Variants in GALNT13 observed in about 807,000 individuals in gnomAD.
GALNT13 encodes the protein UDP-GalNAc:polypeptide N-acetylgalactosaminyltransferase 13.
A neutral mutation model predicts 64.2 loss-of-function variants in GALNT13; 28 were observed. The ratio of observed to expected loss-of-function variants is 0.44; its 90% CI spans 0.32 to 0.60. The LOEUF (loss-of-function observed/expected upper bound fraction) is 0.60. GALNT13 is among the 20% of genes least tolerant of loss of function. The pLI is 0.05. For synonymous variants in GALNT13, 214 were observed against 224.6 expected, an observed-to-expected ratio of 0.95 and a Z score of 0.42; for missense variants, 577 against 669.8, an observed-to-expected ratio of 0.86 and a Z score of 1.53.
chr2:153,754,359 T>C, the GALNT13 span, among the ~76,000 whole-genome samples: 1 of 152,018 alleles, frequency 6.6e-6, no homozygotes, highest in Admixed American at 6.6e-5. Context: ...CCTGGGTATA[T>C]TGTTGGTTAT....
chr2:153,823,712 C>T, the GALNT13 span, among the ~76,000 whole-genome samples: 1 of 152,078 alleles, frequency 6.6e-6, no homozygotes, highest in South Asian at 2.1e-4. Flanking sequence ...GGATTTGCCA[C>T]AAATGTATGA....
chr2:153,299,332 A>G, the GALNT13 span, among the ~76,000 whole-genome samples: 1 of 152,208 alleles, frequency 6.6e-6, no homozygotes, highest in Non-Finnish European at 1.5e-5. Context: ...AGGAAACAAC[A>G]CACTCAAACT....
At chr2:154,381,288 G>C (rs578025609) in intron 9 of GALNT13, among the ~76,000 whole-genome samples, 1 of 152,092 alleles carries the variant, frequency 6.6e-6, no homozygotes, top group East Asian at 1.9e-4. Context: ...GGCACTTTCT[G>C]TAATGCTCAC....
the GALNT13 span, among the ~76,000 whole-genome samples, chr2:153,604,732 G>T: frequency 6.6e-6 from 1 of 151,904 alleles, no homozygotes; most frequent in Non-Finnish European, 1.5e-5. Context: ...AATTATTTTA[G>T]TCTCTACGTA....
At position 154,193,477 on chromosome 2, in the gene GALNT13, G is replaced by A. The variant is rs1367894853; in HGVS notation, c.312-48553G>A. 4.6e-5 allele frequency among the ~76,000 whole-genome samples: 7 copies of A among 152,140 alleles called. No individual in the cohort carries two copies. In the East Asian group the frequency reaches 1.4e-3, roughly 29 times the overall value. On this transcript the variant is annotated intron_variant, in intron 4 of 12. Transcript: ENST00000392825. The stretch of plus-strand genomic sequence containing the variant: ...GCAGTTTTGTTTCCTGAAGAACCGT[G>A]ACCATGACGAAACATCACTTGAATG...
chr2:153,807,485 T>A, the GALNT13 span, among the ~76,000 whole-genome samples: 1 of 151,778 alleles, frequency 6.6e-6, no homozygotes, highest in South Asian at 2.1e-4. Flanking sequence ...TATTAGATAT[T>A]GTATATGTAT....
chr2:153,079,890 G>T, the GALNT13 span, among the ~76,000 whole-genome samples: 1 of 152,174 alleles, frequency 6.6e-6, no homozygotes, highest in Non-Finnish European at 1.5e-5. Context: ...CTAAGAATTG[G>T]CTAACCCTCG....
chr2:153,924,559 C>A (rs1418181926), intron 2 of GALNT13, among the ~76,000 whole-genome samples: 1 of 152,052 alleles, frequency 6.6e-6, no homozygotes, highest in Non-Finnish European at 1.5e-5. Flanking sequence ...AGTTTATATT[C>A]CTTTGGGTAT....
chr2:154,309,409 A>G (rs976403622), intron 9 of GALNT13, among the ~76,000 whole-genome samples: 5 of 152,106 alleles, frequency 3.3e-5, no homozygotes, highest in African/African-American at 1.2e-4. Flanking sequence ...AGAATATATG[A>G]TGCTGGGTAA....
chr2:154,219,331 G>C (rs1186306053), intron 4 of GALNT13, among the ~76,000 whole-genome samples: 1 of 151,970 alleles, frequency 6.6e-6, no homozygotes, highest in African/African-American at 2.4e-5. Flanking sequence ...AGATGAATAA[G>C]TCACTTTACC....
intron 8 of GALNT13, among the ~76,000 whole-genome samples, chr2:154,278,050 A>G (rs768544558): frequency 1.3e-5 from 2 of 152,070 alleles, no homozygotes; most frequent in Non-Finnish European, 2.9e-5. Context: ...TGACCAAAAT[A>G]TTTTTTCTCT....
the GALNT13 span, among the ~76,000 whole-genome samples, chr2:153,585,306 C>T: frequency 1.2e-4 from 18 of 151,952 alleles, no homozygotes; most frequent in South Asian, 4.1e-4. Context: ...GCCTCAACAA[C>T]GGATTTGACC....
chr2:154,157,101 C>T (rs73005457), intron 4 of GALNT13, among the ~76,000 whole-genome samples: 1 of 152,076 alleles, frequency 6.6e-6, no homozygotes, highest in African/African-American at 2.4e-5. Flanking sequence ...ATTCATCACT[C>T]CCCTCCCTCA....
intron 8 of GALNT13, among the ~76,000 whole-genome samples, chr2:154,279,585 T>A (rs1236077110): frequency 6.6e-6 from 1 of 152,128 alleles, no homozygotes; most frequent in East Asian, 1.9e-4. Context: ...CTTTTAAATT[T>A]CACAAGAATA....
chr2:154,025,582 G>A (rs1271548767), intron 3 of GALNT13, among the ~76,000 whole-genome samples: 1 of 152,060 alleles, frequency 6.6e-6, no homozygotes, highest in African/African-American at 2.4e-5. Flanking sequence ...ATTAACCGTT[G>A]TTCTATTTAT....
At chr2:153,190,715 G>A in the GALNT13 span, among the ~76,000 whole-genome samples, 1 of 151,754 alleles carries the variant, frequency 6.6e-6, no homozygotes, top group Non-Finnish European at 1.5e-5. Flanking sequence ...TATGAGCCTG[G>A]GATATCTTTC....
At chr2:154,326,045 A>G (rs1014545885) in intron 9 of GALNT13, among the ~76,000 whole-genome samples, 3 of 152,132 alleles carry the variant, frequency 2.0e-5, no homozygotes, top group African/African-American at 7.2e-5. Flanking sequence ...TGTTGTCATC[A>G]TCTGTGCTTA....
At chr2:153,438,408 T>A in the GALNT13 span, among the ~76,000 whole-genome samples, 1 of 152,238 alleles carries the variant, frequency 6.6e-6, no homozygotes, top group Non-Finnish European at 1.5e-5. Context: ...CTGGATAATA[T>A]CCTGCAGAGT....
intron 8 of GALNT13, among the ~76,000 whole-genome samples, chr2:154,286,222 A>G (rs1009816143): frequency 4.6e-5 from 7 of 152,208 alleles, no homozygotes; most frequent in African/African-American, 1.7e-4. Flanking sequence ...GCTATGTTGA[A>G]TATAAGTGGC....
Sources: gnomAD v4.1 joint callset for allele counts (sites outside exome capture counted in the v4.1 genomes callset) on GRCh38, gnomAD v4.1.1 for gene constraint, MANE v1.5 for transcripts, NCBI Gene and HGNC (gene_info 2026-07-23, HGNC 2026-07-21) for gene names.